The following MYH10 variants were observed in gnomAD, a reference collection of about 807,000 sequenced individuals.
MYH10 encodes the protein myosin heavy chain 10.
Under a neutral mutation model 257.8 loss-of-function variants are expected in MYH10, and 55 were observed. The ratio of observed to expected loss-of-function variants is 0.21; its 90% confidence interval spans 0.17 to 0.27. The LOEUF is 0.27. Ranked by LOEUF, MYH10 falls within the 10% of genes least tolerant of loss-of-function variation. MYH10 has a pLI of 1.00. For missense variants in MYH10, 1,631 were observed against 2,500.6 expected (o/e 0.65, Z 7.42); for synonymous variants, 854 against 921.7 (o/e 0.93, Z 1.33).
At chr17:8,599,920 A>C (rs2084526623) in intron 3 of MYH10, among the ~76,000 whole-genome samples, 1 of 152,196 alleles carries the variant, frequency 6.6e-6, no homozygotes, top group Non-Finnish European at 1.5e-5. Context: ...GTTTCTCTGC[A>C]GTGCCTCTGT....
intron 3 of MYH10, among the ~76,000 whole-genome samples, chr17:8,598,425 T>C (rs183686028): frequency 4.6e-5 from 7 of 152,350 alleles, no homozygotes; most frequent in Admixed American, 4.6e-4. Context: ...GGAGAAAATG[T>C]TCTTTGTTCC....
chr17:8,520,046 TACACATACACAC>T (rs571671768), intron 19 of MYH10, among the ~76,000 whole-genome samples: 205 of 152,166 alleles, frequency 1.3e-3, no homozygotes, highest in African/African-American at 4.7e-3. Flanking sequence ...AAAAAATACA[TACACATACACAC>T]ACACATACAG....
Position 8,545,665 on chromosome 17 carries a change from T to C in MYH10, c.1279-65A>G. On this transcript the variant is annotated intron_variant, in intron 12 of 42. Transcript: ENST00000360416. The surrounding 1 kb of genome is among the most constrained non-coding windows in gnomAD (Gnocchi z 4.7). The stretch of plus-strand genomic sequence containing the variant: ...TCTCAACAAAGCATAAATAGCTGTT[T>C]TACGGAATTTAATGTTATACAGCAC... 1 of 1,540,112 alleles carries C rather than the reference T, an allele frequency of 6.5e-7. No individual in the cohort carries two copies. The highest frequency in any genetic ancestry group is 8.8e-7 in the Non-Finnish European group (1 of 1,138,070).
chr17:8,498,460 C>T (rs191777782), intron 30 of MYH10, among the ~76,000 whole-genome samples: 63 of 152,156 alleles, frequency 4.1e-4, no homozygotes, highest in Non-Finnish European at 7.6e-4. Context: ...TAGTTAATTC[C>T]CTAGGATAAA....
intron 7 of MYH10, among the ~76,000 whole-genome samples, chr17:8,562,197 T>C (rs2151984388): frequency 6.6e-6 from 1 of 152,294 alleles, no homozygotes; most frequent in African/African-American, 2.4e-5. Context: ...AATGAAAAAC[T>C]TTACTGAATA....
intron 29 of MYH10, 104 bp from the exon 30 acceptor site, chr17:8,499,580 C>T (rs1917197617): frequency 1.1e-6 from 1 of 941,820 alleles, no homozygotes; most frequent in Non-Finnish European, 1.6e-6. Context: ...CACAGTGAGT[C>T]TGTAGTCAAC....
intron 38 of MYH10, among the ~76,000 whole-genome samples, chr17:8,480,901 A>T (rs969427183): frequency 6.6e-6 from 1 of 152,276 alleles, no homozygotes; most frequent in African/African-American, 2.4e-5. Context: ...CTGAGAATCA[A>T]ATTCTAACTA....
intron 39 of MYH10, 22 bp from the exon 40 acceptor site, chr17:8,480,340 A>T: frequency 6.2e-7 from 1 of 1,613,430 alleles, no homozygotes; most frequent in Non-Finnish European, 8.5e-7. Context: ...AGAGGAGTTT[A>T]GTCACTTGTG....
intron 1 of MYH10, among the ~76,000 whole-genome samples, chr17:8,629,851 G>C (rs911230250): frequency 6.6e-6 from 1 of 151,432 alleles, no homozygotes; most frequent in Non-Finnish European, 1.5e-5. Flanking sequence ...GGCGCTCCAC[G>C]GAGGGCGCGG....
intron 22 of MYH10, 55 bp from the exon 23 acceptor site, chr17:8,513,724 G>T: frequency 2.5e-6 from 4 of 1,609,886 alleles, no homozygotes; most frequent in Non-Finnish European, 3.4e-6. Flanking sequence ...CTTTCCTATG[G>T]GTTTTTCCTG....
intron 13 of MYH10, among the ~76,000 whole-genome samples, 154 bp from the exon 14 acceptor site, chr17:8,542,434 A>T (rs1337397175): frequency 1.3e-5 from 2 of 152,184 alleles, no homozygotes; most frequent in Non-Finnish European, 2.9e-5. Flanking sequence ...GACTAAACCA[A>T]GGGGGGTGGT....
At chr17:8,557,883 T>C (rs2082860473) in intron 7 of MYH10, among the ~76,000 whole-genome samples, 1 of 152,226 alleles carries the variant, frequency 6.6e-6, no homozygotes, top group Non-Finnish European at 1.5e-5. Context: ...CTTTAGAAGT[T>C]AGGATGGTGT....
intron 36 of MYH10, 80 bp from the exon 37 acceptor site, chr17:8,484,346 TGGCTGTGTTGCCCA>T: frequency 7.2e-7 from 1 of 1,387,210 alleles, no homozygotes; most frequent in South Asian, 1.4e-5. Context: ...AGATGAGCCC[TGGCTGTGTTGCCCA>T]GGCTGATCTC....
At chr17:8,536,474 T>C (rs919040392) in intron 14 of MYH10, among the ~76,000 whole-genome samples, 2 of 152,268 alleles carry the variant, frequency 1.3e-5, no homozygotes, top group Non-Finnish European at 2.9e-5. Context: ...AGTCATCAAT[T>C]GCCTTATATA....
chr17:8,572,097 T>C (rs146971416), intron 6 of MYH10, among the ~76,000 whole-genome samples: 2 of 152,350 alleles, frequency 1.3e-5, no homozygotes, highest in Admixed American at 1.3e-4. Flanking sequence ...AAGACTTTGA[T>C]AGTCCATCTT....
At chr17:8,582,445 G>T (rs751371289) in intron 4 of MYH10, among the ~76,000 whole-genome samples, 13 of 152,326 alleles carry the variant, frequency 8.5e-5, no homozygotes, top group Non-Finnish European at 1.6e-4. Flanking sequence ...TTCACTGCTG[G>T]TCTAAGACAG....
chr17:8,553,006 AG>A (rs1567890851), intron 8 of MYH10, among the ~76,000 whole-genome samples: 1 of 152,222 alleles, frequency 6.6e-6, no homozygotes, highest in African/African-American at 2.4e-5. Context: ...CGTGTATCAC[AG>A]CTTTGGAAGA....
At chr17:8,480,064 G>A (rs905655658) in intron 40 of MYH10, 46 bp downstream of exon 40, 15 of 1,594,232 alleles carry the variant, frequency 9.4e-6, no homozygotes, top group African/African-American at 9.4e-5. Context: ...GTCTCTGACT[G>A]AGCCTAGTTG....
In MYH10 at chr17:8,484,283, AG is replaced by A. The variant is rs563291389; in HGVS notation, c.5047-18del. 7.4e-3 allele frequency: 11,819 copies of A among 1,598,564 alleles called. 56 individuals are homozygous for A. Among genetic ancestry groups the A allele is most frequent in the Admixed American group, 0.011 (587 of 55,652 alleles). On this transcript the variant is annotated intron_variant, in intron 36 of 42. Transcript: ENST00000360416. ...CATCTGAGCCTAAGATTAAATAAGA[AG>A]GTTTTGGGGTGGTTTACATTCTTAG...
Sources: gnomAD v4.1 joint callset for allele counts (sites outside exome capture counted in the v4.1 genomes callset) on GRCh38, gnomAD v4.1.1 for gene constraint, Gnocchi (gnomAD v3.1) non-coding constraint, MANE v1.5 for transcripts, NCBI Gene and HGNC (gene_info 2026-07-23, HGNC 2026-07-21) for gene names.